FBXL7: variants seen among roughly 807,000 people sequenced by gnomAD.
The protein encoded by FBXL7 is F-box/LRR-repeat protein 7.
A neutral mutation model predicts 38.3 loss-of-function variants in FBXL7; 12 were observed. That is an observed-to-expected ratio of 0.31 (90% CI 0.20 to 0.51). FBXL7 has a LOEUF of 0.51. FBXL7 is among the 20% of genes least tolerant of loss of function. FBXL7 has a pLI of 0.98. For synonymous variants in FBXL7, 297 were observed against 300.9 expected, an observed-to-expected ratio of 0.99 and a Z score of 0.13; for missense variants, 567 against 676.4, an observed-to-expected ratio of 0.84 and a Z score of 1.79.
intron 2 of FBXL7, among the ~76,000 whole-genome samples, chr5:15,856,570 G>A (rs1279284954): frequency 6.6e-6 from 1 of 151,358 alleles, no homozygotes; most frequent in Non-Finnish European, 1.5e-5. Flanking sequence ...AAAAAAACTA[G>A]AGAATAAAGA....
chr5:15,695,326 C>T (rs916343771), intron 2 of FBXL7, among the ~76,000 whole-genome samples: 1 of 152,012 alleles, frequency 6.6e-6, no homozygotes, highest in African/African-American at 2.4e-5. Flanking sequence ...AGCCAGCAGG[C>T]GTCCAGGGCC....
chr5:15,619,191 G>A (rs1740546645), intron 2 of FBXL7, among the ~76,000 whole-genome samples: 1 of 152,138 alleles, frequency 6.6e-6, no homozygotes, highest in Non-Finnish European at 1.5e-5. Context: ...CCGGTGGCAT[G>A]GAACCGGAAG....
intron 2 of FBXL7, among the ~76,000 whole-genome samples, chr5:15,876,644 T>G (rs1740220994): frequency 6.6e-6 from 1 of 152,236 alleles, no homozygotes; most frequent in Admixed American, 6.5e-5. Flanking sequence ...AAACTGACTT[T>G]ACTTCTTATA....
chr5:15,819,713 T>C (rs927074816), intron 2 of FBXL7, among the ~76,000 whole-genome samples: 2 of 152,130 alleles, frequency 1.3e-5, no homozygotes, highest in Non-Finnish European at 2.9e-5. Context: ...GTTTGCAAAT[T>C]AAAGATTCTT....
chr5:15,501,736 C>T, intron 1 of FBXL7: 1 of 985,448 alleles, frequency 1.0e-6, no homozygotes, highest in African/African-American at 1.7e-5. Flanking sequence ...GGGTGTCTCT[C>T]CTCGTTTCTC....
chr5:15,617,491 CTT>C (rs1238606347), intron 2 of FBXL7, among the ~76,000 whole-genome samples: 2 of 151,688 alleles, frequency 1.3e-5, no homozygotes, highest in Admixed American at 6.6e-5. Context: ...GAGTCTCACT[CTT>C]TTGCCCAGAC....
At chr5:15,859,813 T>A (rs1032781755) in intron 2 of FBXL7, among the ~76,000 whole-genome samples, 2 of 152,088 alleles carry the variant, frequency 1.3e-5, no homozygotes, top group Non-Finnish European at 2.9e-5. Context: ...AAGATATCAA[T>A]AGCGCCAAGG....
chr5:15,566,026 C>T (rs893166481), intron 1 of FBXL7, among the ~76,000 whole-genome samples: 5 of 151,976 alleles, frequency 3.3e-5, no homozygotes, highest in African/African-American at 1.2e-4. Flanking sequence ...ACGTGTAAAA[C>T]TTTCCTTTTT....
intron 2 of FBXL7, among the ~76,000 whole-genome samples, chr5:15,895,141 G>A (rs976671192): frequency 5.3e-5 from 8 of 152,042 alleles, no homozygotes; most frequent in Non-Finnish European, 1.0e-4. Context: ...AAGTAATTGT[G>A]GTTTTTGCTG....
chr5:15,878,243 T>G (rs1333692484), intron 2 of FBXL7, among the ~76,000 whole-genome samples: 1 of 152,224 alleles, frequency 6.6e-6, no homozygotes, highest in Non-Finnish European at 1.5e-5. Context: ...CTGAAGTTAC[T>G]TCTACAGTAG....
chr5:15,606,196 T>G (rs1256419439), intron 1 of FBXL7, among the ~76,000 whole-genome samples: 1 of 152,162 alleles, frequency 6.6e-6, no homozygotes. Context: ...TTGATCAGTT[T>G]TCTTTCTAGA....
intron 2 of FBXL7, among the ~76,000 whole-genome samples, chr5:15,768,182 A>G (rs527422265): frequency 6.6e-6 from 1 of 152,126 alleles, no homozygotes; most frequent in Non-Finnish European, 1.5e-5. Flanking sequence ...ATACCCTACT[A>G]CTTTACAGGT....
chr5:15,864,813 A>G (rs1451794956), intron 2 of FBXL7, among the ~76,000 whole-genome samples: 1 of 152,246 alleles, frequency 6.6e-6, no homozygotes, highest in East Asian at 1.9e-4. Context: ...ATCCATCTTA[A>G]GAAAATATTA....
intron 2 of FBXL7, among the ~76,000 whole-genome samples, chr5:15,620,695 G>A (rs1323200996): frequency 1.3e-5 from 2 of 152,136 alleles, no homozygotes; most frequent in Admixed American, 6.5e-5. Context: ...GCTCTGGGGC[G>A]GAACTGGCCT....
intron 1 of FBXL7, among the ~76,000 whole-genome samples, chr5:15,597,274 T>G: frequency 6.6e-6 from 1 of 152,128 alleles, no homozygotes; most frequent in East Asian, 1.9e-4. Flanking sequence ...GAAGCAACTG[T>G]GTTGTATTGA....
At chr5:15,718,075 G>T (rs12659413) in intron 2 of FBXL7, among the ~76,000 whole-genome samples, 110,031 of 151,942 alleles carry the variant, frequency 0.72, 40,205 homozygotes, top group East Asian at 0.88. Context: ...TTACAGGGAC[G>T]CAGAGTCAGT....
chr5:15,848,329 C>G (rs1241746019), intron 2 of FBXL7, among the ~76,000 whole-genome samples: 1 of 151,998 alleles, frequency 6.6e-6, no homozygotes, highest in African/African-American at 2.4e-5. Context: ...ATATGGCAGA[C>G]ACAACATTCT....
At chr5:15,800,444 G>T (rs554194049) in intron 2 of FBXL7, among the ~76,000 whole-genome samples, 1 of 152,310 alleles carries the variant, frequency 6.6e-6, no homozygotes, top group Non-Finnish European at 1.5e-5. Flanking sequence ...TAGAATGACA[G>T]ACAGGCCTAG....
rs113965895 is a variant in FBXL7 at position 15,638,964 on chromosome 5, T to G, written c.127+22892T>G. On this transcript the variant is annotated intron_variant, in intron 2 of 3. Coordinates refer to ENST00000504595, the MANE Select transcript of FBXL7 (RefSeq NM_012304.5). The stretch of plus-strand genomic sequence containing the variant: ...TCAGTCGGAGCTACCTAAACCAAAG[T>G]TGGAATTCTCTACCTAGTCTGGTTT... Among the ~76,000 whole-genome samples the G allele has an allele frequency of 5.0e-3, 755 of 152,290 alleles. 5 individuals are homozygous for G. The highest frequency in any genetic ancestry group is 0.017 in the African/African-American group (707 of 41,550).
Sources: gnomAD v4.1 joint callset for allele counts (sites outside exome capture counted in the v4.1 genomes callset) on GRCh38, gnomAD v4.1.1 for gene constraint, MANE v1.5 for transcripts, NCBI Gene and HGNC (gene_info 2026-07-23, HGNC 2026-07-21) for gene names.